The following GPM6A variants were observed in gnomAD, a reference collection of about 807,000 sequenced individuals.
GPM6A encodes glycoprotein M6A, also known as neuronal membrane glycoprotein M6-a.
In GPM6A, 7 loss-of-function variants were observed where a neutral mutation model predicts 32.1. The ratio of observed to expected loss-of-function variants is 0.22; its 90% CI spans 0.12 to 0.41. The LOEUF (loss-of-function observed/expected upper bound fraction) is 0.41. Ranked by LOEUF, GPM6A falls within the 10% of genes least tolerant of loss-of-function variation. The pLI is 1.00. For synonymous variants in GPM6A, 130 were observed against 123.4 expected, an observed-to-expected ratio of 1.05 and a Z score of -0.35; for missense variants, 235 against 347.2, an observed-to-expected ratio of 0.68 and a Z score of 2.57.
intron 1 of GPM6A, among the ~76,000 whole-genome samples, chr4:175,940,177 A>G (rs909571394): frequency 6.6e-6 from 1 of 152,202 alleles, no homozygotes; most frequent in Non-Finnish European, 1.5e-5. Context: ...AGCACCGTAC[A>G]TTGATTCTTT....
chr4:175,694,363 T>C (rs1439208891), intron 2 of GPM6A, among the ~76,000 whole-genome samples: 1 of 152,176 alleles, frequency 6.6e-6, no homozygotes, highest in Non-Finnish European at 1.5e-5. Context: ...ACCTGTTAAA[T>C]TGTTGTGACC....
intron 1 of GPM6A, among the ~76,000 whole-genome samples, chr4:175,846,256 C>T (rs1736084415): frequency 6.6e-6 from 1 of 152,136 alleles, no homozygotes. Context: ...ACCTTCTATT[C>T]TATCACCCGA....
chr4:175,932,328 G>A (rs1739077014), intron 1 of GPM6A, among the ~76,000 whole-genome samples: 1 of 152,038 alleles, frequency 6.6e-6, no homozygotes, highest in Non-Finnish European at 1.5e-5. Context: ...CTGCCCTCTT[G>A]CCTTCCATCT....
intron 1 of GPM6A, among the ~76,000 whole-genome samples, chr4:175,805,569 A>T (rs772976636): frequency 6.6e-6 from 1 of 152,210 alleles, no homozygotes; most frequent in Non-Finnish European, 1.5e-5. Flanking sequence ...GGAGGTAAGT[A>T]AAGTAAAACT....
At chr4:175,657,107 A>G (rs1742124752) in intron 3 of GPM6A, among the ~76,000 whole-genome samples, 1 of 152,196 alleles carries the variant, frequency 6.6e-6, no homozygotes, top group South Asian at 2.1e-4. Context: ...TCAGAACCTT[A>G]TATTTCACAG....
rs189796265 is a variant in GPM6A, at chr4:175,697,524, C to T, written c.230+4051G>A. On this transcript the variant is annotated intron_variant, in intron 2 of 6. Coordinates refer to ENST00000393658, the MANE Select transcript of GPM6A (RefSeq NM_201591.3). ...AGTTGTGATTAGAGTGTAGAAATAA[C>T]TCCTAATGGATAAGAAGTTGCACAC... Among the ~76,000 whole-genome samples the T allele has an allele frequency of 2.6e-5, 4 of 152,172 alleles. No individual in the cohort carries two copies. In the East Asian group the frequency reaches 7.7e-4, roughly 29 times the overall value.
chr4:175,976,328 A>ATTTT (rs34163669), intron 1 of GPM6A, among the ~76,000 whole-genome samples: 5 of 137,334 alleles, frequency 3.6e-5, no homozygotes, highest in African/African-American at 1.5e-4. Context: ...CGCCTGGCTA[A>ATTTT]TTTTTTTTTT....
At position 175,673,724 on chromosome 4, in the gene GPM6A, CAT is replaced by C; in HGVS notation, c.341_342del (p.Tyr114TrpfsTer82). ...FFTTGAIKDL[Y>X]GDFKITTCGR... is the part of the protein sequence containing the mutation. ...CCACAAGTGGTGATTTTGAAATCCC[CAT>C]AGAGATCTTTGATGGCCCCAGTTGT... On this transcript the variant is annotated frameshift_variant, in exon 3 of 7. Transcript: ENST00000393658. LOFTEE classifies it high-confidence loss of function. The C allele has an allele frequency of 6.2e-7, 1 of 1,612,508 alleles. No individual in the cohort carries two copies. The highest frequency in any genetic ancestry group is 8.5e-7 in the Non-Finnish European group (1 of 1,178,830).
intron 1 of GPM6A, among the ~76,000 whole-genome samples, chr4:175,802,334 G>A (rs1263401225): frequency 1.3e-5 from 2 of 151,994 alleles, no homozygotes; most frequent in Non-Finnish European, 2.9e-5. Context: ...AAAAAACTTA[G>A]TACACCAAAA....
At chr4:175,912,881 G>A (rs1450893156) in intron 1 of GPM6A, among the ~76,000 whole-genome samples, 2 of 152,090 alleles carry the variant, frequency 1.3e-5, no homozygotes, top group African/African-American at 4.8e-5. Flanking sequence ...ATAAATAAAT[G>A]TTAGGTATCA....
At chr4:175,967,656 A>T (rs751904572) in intron 1 of GPM6A, among the ~76,000 whole-genome samples, 2 of 152,222 alleles carry the variant, frequency 1.3e-5, no homozygotes, top group Non-Finnish European at 2.9e-5. Flanking sequence ...AATAAAAAAC[A>T]AAATGTCATT....
At chr4:175,858,932 A>G (rs1736494018) in intron 1 of GPM6A, among the ~76,000 whole-genome samples, 1 of 152,184 alleles carries the variant, frequency 6.6e-6, no homozygotes, top group Non-Finnish European at 1.5e-5. Flanking sequence ...CAATATGATG[A>G]CTCTTAAAAT....
chr4:175,871,045 C>T (rs1736890229), intron 1 of GPM6A, among the ~76,000 whole-genome samples: 1 of 151,906 alleles, frequency 6.6e-6, no homozygotes. Context: ...TAATCCCATG[C>T]CTCCTGCTTG....
chr4:175,733,429 G>C (rs1731519129), intron 1 of GPM6A, among the ~76,000 whole-genome samples: 1 of 152,134 alleles, frequency 6.6e-6, no homozygotes, highest in Admixed American at 6.5e-5. Flanking sequence ...CTTGAACCTG[G>C]GAGACGGAAG....
intron 3 of GPM6A, among the ~76,000 whole-genome samples, chr4:175,661,548 G>C (rs1046824130): frequency 6.6e-6 from 1 of 152,070 alleles, no homozygotes; most frequent in African/African-American, 2.4e-5. Flanking sequence ...TGTTTTAAAG[G>C]TGTTTCCATT....
intron 1 of GPM6A, among the ~76,000 whole-genome samples, chr4:175,751,775 T>A (rs1333371659): frequency 6.6e-6 from 1 of 152,132 alleles, no homozygotes; most frequent in African/African-American, 2.4e-5. Context: ...TGTTTGTTTT[T>A]TGGTTTGTTT....
chr4:175,859,377 T>C (rs947417285), intron 1 of GPM6A, among the ~76,000 whole-genome samples: 1 of 152,164 alleles, frequency 6.6e-6, no homozygotes, highest in African/African-American at 2.4e-5. Flanking sequence ...GGCGTGTCTG[T>C]GCATTTAAGC....
chr4:175,981,365 T>C (rs906849864), intron 1 of GPM6A, among the ~76,000 whole-genome samples: 9 of 152,164 alleles, frequency 5.9e-5, no homozygotes, highest in African/African-American at 1.4e-4. Flanking sequence ...AATTGAGAGA[T>C]AGAACAATTT....
intron 1 of GPM6A, among the ~76,000 whole-genome samples, chr4:175,721,321 C>A (rs1746122042): frequency 6.6e-6 from 1 of 151,312 alleles, no homozygotes; most frequent in African/African-American, 2.4e-5. Context: ...ACTAAAAATA[C>A]AAAAATTAGC....
Sources: gnomAD v4.1 joint callset for allele counts (sites outside exome capture counted in the v4.1 genomes callset) on GRCh38, gnomAD v4.1.1 for gene constraint, MANE v1.5 for transcripts, NCBI Gene and HGNC (gene_info 2026-07-23, HGNC 2026-07-21) for gene names.